NRXN3: variants seen among roughly 807,000 people sequenced by gnomAD.
NRXN3 encodes the protein neurexin III.
Under a neutral mutation model 137.6 loss-of-function variants are expected in NRXN3, and 32 were observed. That is an observed-to-expected ratio of 0.23 (90% CI 0.18 to 0.31). The LOEUF is 0.31. Among genes scored for constraint, NRXN3 ranks in the 10% least tolerant of loss-of-function variants. NRXN3 has a pLI of 1.00. For missense variants in NRXN3, 1,574 were observed against 2,062.5 expected (o/e 0.76, Z 4.59); for synonymous variants, 798 against 784.5 (o/e 1.02, Z -0.29).
chr14:78,773,369 C>G (rs2098734657), intron 8 of NRXN3, among the ~76,000 whole-genome samples: 1 of 152,048 alleles, frequency 6.6e-6, no homozygotes, highest in African/African-American at 2.4e-5. Flanking sequence ...CCCTTCTTTT[C>G]CAAGGGCATA....
rs148614287 is a variant in NRXN3 at position 78,964,782 on chromosome 14, C to G, written c.2396-1243C>G. Among the ~76,000 whole-genome samples the G allele has an allele frequency of 5.8e-3, 879 of 151,840 alleles. 14 individuals carry two copies. The highest frequency in any genetic ancestry group is 0.02 in the African/African-American group (815 of 41,396). ...TTATTTTGTTATTAAAATTTCCAGT[C>G]TCTTTGTATTTTTTTTTCAAGCCCT... On this transcript the variant is annotated intron_variant, in intron 11 of 20. Transcript: ENST00000335750.
At chr14:79,079,847 G>A (rs1180146006) in intron 15 of NRXN3, among the ~76,000 whole-genome samples, 1 of 152,064 alleles carries the variant, frequency 6.6e-6, no homozygotes, top group Non-Finnish European at 1.5e-5. Flanking sequence ...AATTAGCCGG[G>A]CGTGGTGGTG....
chr14:79,645,065 C>T lies in NRXN3; in HGVS notation c.3445-18713C>T, dbSNP rs1490243892. On this transcript the variant is annotated intron_variant, in intron 16 of 20. Coordinates refer to ENST00000335750, the MANE Select transcript of NRXN3 (RefSeq NM_001330195.2). The stretch of plus-strand genomic sequence containing the variant: ...GGACCATCTCCTCTGTGTTCACTTA[C>T]ATTCTATCCATGTTCAGGATTGAGT... 1.5e-5 allele frequency among the ~76,000 whole-genome samples: 2 copies of T among 135,808 alleles called. 1 individual carries two copies. Among genetic ancestry groups the T allele is most frequent in the Non-Finnish European group, 3.4e-5 (2 of 58,398 alleles). 89.1% of individuals were successfully genotyped at this position (135,808 alleles called of 152,430 possible). A position where few individuals can be genotyped will look rare whatever the true frequency, so the allele number is the denominator to read the frequency against.
At chr14:79,495,522 TA>T (rs2096757782) in intron 16 of NRXN3, among the ~76,000 whole-genome samples, 1 of 152,188 alleles carries the variant, frequency 6.6e-6, no homozygotes, top group Non-Finnish European at 1.5e-5. Flanking sequence ...TTACCCCTGT[TA>T]AAGTATGTAA....
chr14:79,346,346 G>A (rs1417761401), intron 15 of NRXN3, among the ~76,000 whole-genome samples: 4 of 152,168 alleles, frequency 2.6e-5, no homozygotes, highest in East Asian at 3.9e-4. Flanking sequence ...ACCTGAACGC[G>A]GGAGGTGGAG....
At chr14:79,151,583 C>G (rs1397120021) in intron 15 of NRXN3, among the ~76,000 whole-genome samples, 3 of 152,002 alleles carry the variant, frequency 2.0e-5, no homozygotes, top group African/African-American at 4.8e-5. Flanking sequence ...GCTCAAGGAG[C>G]TGAGATAAAA....
At chr14:79,777,162 C>T (rs1422780913) in intron 19 of NRXN3, among the ~76,000 whole-genome samples, 1 of 152,066 alleles carries the variant, frequency 6.6e-6, no homozygotes, top group Admixed American at 6.6e-5. Context: ...TTTTTGTTAG[C>T]CTCTTATGAA....
intron 15 of NRXN3, among the ~76,000 whole-genome samples, chr14:79,012,965 T>C (rs2099573582): frequency 6.6e-6 from 1 of 152,182 alleles, no homozygotes; most frequent in Admixed American, 6.5e-5. Flanking sequence ...AAATTTATAG[T>C]AATGTTTTTT....
chr14:79,299,526 A>G (rs1362025774), intron 15 of NRXN3, among the ~76,000 whole-genome samples: 1 of 152,124 alleles, frequency 6.6e-6, no homozygotes, highest in South Asian at 2.1e-4. Flanking sequence ...TTACAAAAAC[A>G]AGACCACCTA....
chr14:79,407,774 T>C (rs1251775072), intron 15 of NRXN3, among the ~76,000 whole-genome samples: 1 of 152,158 alleles, frequency 6.6e-6, no homozygotes, highest in Non-Finnish European at 1.5e-5. Flanking sequence ...TTAGGCAAGT[T>C]ATTTAACTGC....
intron 19 of NRXN3, among the ~76,000 whole-genome samples, chr14:79,793,308 G>A (rs890156466): frequency 3.3e-5 from 5 of 152,040 alleles, no homozygotes; most frequent in Admixed American, 6.6e-5. Context: ...CCAGCTATTC[G>A]GGAGCCTGAG....
intron 15 of NRXN3, among the ~76,000 whole-genome samples, chr14:79,159,116 C>T (rs1361095561): frequency 6.6e-6 from 1 of 151,710 alleles, no homozygotes; most frequent in Non-Finnish European, 1.5e-5. Flanking sequence ...TTTGGCCCTC[C>T]ATAAAGTCAA....
chr14:78,495,848 ACTCTTTTCCCAAAGAAAT>A (rs1333701537), intron 4 of NRXN3, among the ~76,000 whole-genome samples: 1 of 151,954 alleles, frequency 6.6e-6, no homozygotes, highest in Non-Finnish European at 1.5e-5. Context: ...GTCTGAACAG[ACTCTTTTCCCAAAGAAAT>A]TTGCTAAAAT....
chr14:79,056,965 C>T (rs1281405973), intron 15 of NRXN3, among the ~76,000 whole-genome samples: 1 of 152,204 alleles, frequency 6.6e-6, no homozygotes, highest in East Asian at 1.9e-4. Flanking sequence ...TATGATATCT[C>T]ACAGCATGTC....
At chr14:79,366,271 G>T (rs1335125698) in intron 15 of NRXN3, among the ~76,000 whole-genome samples, 3 of 152,096 alleles carry the variant, frequency 2.0e-5, no homozygotes, top group Admixed American at 1.3e-4. Flanking sequence ...AAGATAATTG[G>T]AGTATTCATT....
At chr14:79,326,783 A>ATGTTTTAGT (rs1451129789) in intron 15 of NRXN3, among the ~76,000 whole-genome samples, 1 of 152,208 alleles carries the variant, frequency 6.6e-6, no homozygotes, top group Non-Finnish European at 1.5e-5. Flanking sequence ...TACCAAATAT[A>ATGTTTTAGT]TGTTTTAGTT....
intron 15 of NRXN3, among the ~76,000 whole-genome samples, chr14:79,208,724 T>C (rs2067174838): frequency 6.6e-6 from 1 of 152,170 alleles, no homozygotes; most frequent in African/African-American, 2.4e-5. Flanking sequence ...TCAATTTCTA[T>C]TATGACAAAA....
intron 16 of NRXN3, among the ~76,000 whole-genome samples, chr14:79,577,559 A>T (rs1274709845): frequency 6.6e-6 from 1 of 152,198 alleles, no homozygotes; most frequent in East Asian, 1.9e-4. Context: ...ATGTAGGTAC[A>T]TTGAAATTGG....
At chr14:79,190,804 A>G (rs761279963) in intron 15 of NRXN3, among the ~76,000 whole-genome samples, 1 of 152,158 alleles carries the variant, frequency 6.6e-6, no homozygotes, top group African/African-American at 2.4e-5. Context: ...TTATCCTTCT[A>G]CTAAGTCACT....
Sources: allele counts gnomAD v4.1 joint callset (sites outside exome capture counted in the v4.1 genomes callset), GRCh38; gene constraint gnomAD v4.1.1; transcripts MANE v1.5; gene names NCBI Gene and HGNC (gene_info 2026-07-23, HGNC 2026-07-21).